UBE4B: variants seen among roughly 807,000 people sequenced by gnomAD.
UBE4B encodes the protein ubiquitination factor E4B.
Under a neutral mutation model 148.1 loss-of-function variants are expected in UBE4B, and 27 were observed. The observed-to-expected ratio is 0.18, with a 90% CI of 0.13 to 0.25. The LOEUF is 0.25. Ranked by LOEUF, UBE4B falls within the 10% of genes least tolerant of loss-of-function variation. UBE4B has a pLI of 1.00. For missense variants in UBE4B, 1,170 were observed against 1,662.4 expected, an observed-to-expected ratio of 0.70 and a Z score of 5.15; for synonymous variants, 596 against 619.3, an observed-to-expected ratio of 0.96 and a Z score of 0.56.
At chr1:10,160,372 T>C (rs946098756) in intron 22 of UBE4B, among the ~76,000 whole-genome samples, 2 of 152,214 alleles carry the variant, frequency 1.3e-5, no homozygotes, top group African/African-American at 4.8e-5. Context: ...GGTGAGTATA[T>C]GCGTTTTTCC....
At chr1:10,081,836 G>A (rs1309123161) in intron 2 of UBE4B, among the ~76,000 whole-genome samples, 4 of 151,766 alleles carry the variant, frequency 2.6e-5, no homozygotes, top group African/African-American at 7.3e-5. Flanking sequence ...TGGGCTGCCC[G>A]CTTCGGCCTC....
intron 1 of UBE4B, among the ~76,000 whole-genome samples, chr1:10,042,503 C>T (rs917444604): frequency 3.3e-5 from 5 of 152,044 alleles, no homozygotes; most frequent in Admixed American, 1.3e-4. Flanking sequence ...AAAAATTAGC[C>T]GGGCGTGGTG....
At position 10,105,634 on chromosome 1, in the gene UBE4B, T is replaced by G; in HGVS notation, c.699T>G (p.Ala233=). ...TGACAGCCACATCACAGCCAATTGC[T>G]GCAGCAGCACGGTCACCAGACAGAA... is the stretch of plus-strand genomic sequence containing the variant. ...ASLTATSQPI[A]AAARSPDRNL... The change falls in exon 6 of 28, where the codon GCT becomes GCG. Residue 233 remains alanine (A), a synonymous_variant. Transcript: ENST00000343090. 1 of 1,614,246 alleles carries G rather than the reference T, an allele frequency of 6.2e-7. No individual in the cohort carries two copies. Among genetic ancestry groups the G allele is most frequent in the South Asian group, 1.1e-5 (1 of 91,088 alleles).
intron 6 of UBE4B, among the ~76,000 whole-genome samples, chr1:10,105,976 T>G (rs1645098703): frequency 6.6e-6 from 1 of 152,204 alleles, no homozygotes; most frequent in Non-Finnish European, 1.5e-5. Flanking sequence ...CAGTTGGCTG[T>G]GTATACTACA....
At chr1:10,035,536 A>G (rs1643483989) in intron 1 of UBE4B, among the ~76,000 whole-genome samples, 1 of 147,064 alleles carries the variant, frequency 6.8e-6, no homozygotes, top group African/African-American at 2.5e-5. Context: ...AGCTGGGACT[A>G]CAAGCGCCCG....
intron 1 of UBE4B, among the ~76,000 whole-genome samples, chr1:10,065,020 C>G (rs1644361975): frequency 6.6e-6 from 1 of 152,110 alleles, no homozygotes; most frequent in African/African-American, 2.4e-5. Flanking sequence ...CGCCTGGCCT[C>G]CCAAAGTGCT....
rs765012348 is a variant in UBE4B at position 10,175,641 on chromosome 1, A to G, written c.3526-3003A>G. On this transcript the variant is annotated intron_variant, in intron 25 of 27. Coordinates refer to ENST00000343090, the MANE Select transcript of UBE4B (RefSeq NM_001105562.3). ...ACTCCAGCCTGGGCGACAGAGCGAG[A>G]CTCCGTCTCAAATAAATAAATAAAT... Among the ~76,000 whole-genome samples, 24 of 152,052 alleles carry G rather than the reference A, an allele frequency of 1.6e-4. No individual in the cohort carries two copies. In the East Asian group the frequency reaches 3.1e-3, roughly 20 times the overall value.
At chr1:10,142,207 A>G (rs932799274) in intron 17 of UBE4B, among the ~76,000 whole-genome samples, 10 of 152,296 alleles carry the variant, frequency 6.6e-5, no homozygotes, top group African/African-American at 2.4e-4. Flanking sequence ...ATGCAGCCCA[A>G]TCAAAGAACT....
chr1:10,130,630 C>T lies in UBE4B; in HGVS notation c.1812+14C>T, dbSNP rs774569943. ...GCAGAAGATGATGTAAGTATAGTGG[C>T]TACTTGTACTTTGCTGCCCTTTTAT... On this transcript the variant is annotated intron_variant, in intron 13 of 27. Coordinates refer to ENST00000343090, the MANE Select transcript of UBE4B (RefSeq NM_001105562.3). The T allele has an allele frequency of 6.2e-7, 1 of 1,612,224 alleles. No individual in the cohort carries two copies. The highest frequency in any genetic ancestry group is 8.5e-7 in the Non-Finnish European group (1 of 1,178,266).
chr1:10,132,368 G>A lies in UBE4B; in HGVS notation c.1912-1G>A. ...TTCTTCTTTTTAAAAATAAATTTCAGCAAGAGCTTTTTAAGATTCTGCATA... is the reference window on the plus strand; with the variant it reads ...TTCTTCTTTTTAAAAATAAATTTCAACAAGAGCTTTTTAAGATTCTGCATA... On this transcript the variant is annotated splice_acceptor_variant, in intron 14 of 27. Coordinates refer to ENST00000343090, the MANE Select transcript of UBE4B (RefSeq NM_001105562.3). LOFTEE classifies it high-confidence loss of function. The A allele has an allele frequency of 6.2e-7, 1 of 1,606,420 alleles. No individual in the cohort carries two copies. Among genetic ancestry groups the A allele is most frequent in the Non-Finnish European group, 8.5e-7 (1 of 1,177,210 alleles).
At position 10,178,649 on chromosome 1, in the gene UBE4B, C is replaced by T. The variant is rs991540417; in HGVS notation, c.3531C>T (p.Ser1177=). 2 of 1,607,642 alleles carry T rather than the reference C, an allele frequency of 1.2e-6. No individual in the cohort carries two copies. Among genetic ancestry groups the T allele is most frequent in the Non-Finnish European group, 1.7e-6 (2 of 1,177,506 alleles). ...TTGCCATTCCTCCTTTGCAGAGATCCTACAGTAAGGAATTGTTTGAAGAAG... is the reference window on the plus strand; with the variant it reads ...TTGCCATTCCTCCTTTGCAGAGATCTTACAGTAAGGAATTGTTTGAAGAAG... ...FAKAIADDQR[S]YSKELFEEVI... Residue 1177 remains serine (S), a synonymous_variant, in exon 26 of 28, where the codon TCC becomes TCT. Transcript: ENST00000343090.
chr1:10,076,696 G>A (rs898055830), intron 2 of UBE4B, among the ~76,000 whole-genome samples: 2 of 151,672 alleles, frequency 1.3e-5, no homozygotes, highest in Non-Finnish European at 2.9e-5. Flanking sequence ...GAAGCTGTAG[G>A]GGGTCCTTCC....
intron 1 of UBE4B, among the ~76,000 whole-genome samples, chr1:10,037,280 G>A (rs1044254184): frequency 6.6e-6 from 1 of 152,158 alleles, no homozygotes; most frequent in African/African-American, 2.4e-5. Context: ...GCCTGCCTCG[G>A]CCTCCCAAAG....
chr1:10,125,910 C>T (rs920890828), intron 10 of UBE4B, among the ~76,000 whole-genome samples: 3 of 152,136 alleles, frequency 2.0e-5, no homozygotes, highest in Non-Finnish European at 2.9e-5. Flanking sequence ...TACCAACTAG[C>T]TCTTTGCTCT....
intron 7 of UBE4B, among the ~76,000 whole-genome samples, chr1:10,108,053 T>C (rs1645146365): frequency 1.3e-5 from 2 of 152,206 alleles, no homozygotes; most frequent in South Asian, 4.1e-4. Flanking sequence ...CTACCAGATG[T>C]GACAACTTGT....
At chr1:10,091,731 T>C (rs1644851559) in intron 2 of UBE4B, among the ~76,000 whole-genome samples, 1 of 152,108 alleles carries the variant, frequency 6.6e-6, no homozygotes, top group Non-Finnish European at 1.5e-5. Flanking sequence ...TCAGCCTCCC[T>C]AGTAGCTGGG....
At chr1:10,158,516 T>G in intron 22 of UBE4B, 34 bp downstream of exon 22, 1 of 1,602,516 alleles carries the variant, frequency 6.2e-7, no homozygotes, top group Non-Finnish European at 8.5e-7. Context: ...ACAACTTGCT[T>G]TCTTGCAAAT....
At chr1:10,076,505 A>G (rs1644584938) in intron 2 of UBE4B, among the ~76,000 whole-genome samples, 1 of 151,802 alleles carries the variant, frequency 6.6e-6, no homozygotes, top group East Asian at 2.0e-4. Context: ...CGGCCTCCCA[A>G]AATGCTGAGA....
At chr1:10,089,820 C>T (rs1644817930) in intron 2 of UBE4B, among the ~76,000 whole-genome samples, 2 of 151,940 alleles carry the variant, frequency 1.3e-5, no homozygotes, top group African/African-American at 2.4e-5. Context: ...CTGCCTCAGC[C>T]TCCTGAGTAG....
Sources: allele counts gnomAD v4.1 joint callset (sites outside exome capture counted in the v4.1 genomes callset), GRCh38; gene constraint gnomAD v4.1.1; transcripts MANE v1.5; gene names NCBI Gene and HGNC (gene_info 2026-07-23, HGNC 2026-07-21).